ORMDL1: variants seen among roughly 807,000 people sequenced by gnomAD.
ORMDL1 encodes ORMDL sphingolipid biosynthesis regulator 1, also known as ORM1-like protein 1.
Under a neutral mutation model 13.0 loss-of-function variants are expected in ORMDL1, and 10 were observed. The ratio of observed to expected loss-of-function variants is 0.77; its 90% confidence interval spans 0.47 to 1.30. The LOEUF is 1.30. Ranked by LOEUF, ORMDL1 falls within the 50% of genes most tolerant of loss-of-function variation. The pLI, the probability that ORMDL1 is intolerant of heterozygous loss-of-function variation, is 0.00. For missense variants in ORMDL1, 171 were observed against 186.7 expected, an observed-to-expected ratio of 0.92 and a Z score of 0.49; for synonymous variants, 61 against 63.9, an observed-to-expected ratio of 0.95 and a Z score of 0.22.
chr2:189,770,263 A>C (rs1244540786), downstream of ORMDL1: 1 of 152,210 alleles, frequency 6.6e-6, no homozygotes, highest in African/African-American at 2.4e-5. Flanking sequence ...CAGTTGCTTA[A>C]AAATAAACTT....
intron 3 of ORMDL1, among the ~76,000 whole-genome samples, chr2:189,780,693 G>C (rs561057503): frequency 1.3e-5 from 2 of 152,098 alleles, no homozygotes; most frequent in Admixed American, 1.3e-4. Flanking sequence ...AATATATGCC[G>C]GTGAAAGTGA....
chr2:189,765,406 CT>C (rs1048337408), downstream of ORMDL1: 13 of 152,120 alleles, frequency 8.5e-5, no homozygotes, highest in Admixed American at 3.3e-4. Flanking sequence ...GTATGCCAGC[CT>C]GGCAGGCCCA....
the ORMDL1 span, chr2:189,764,307 A>T: frequency 6.6e-6 from 1 of 152,224 alleles, no homozygotes; most frequent in Non-Finnish European, 1.5e-5. Context: ...TTTTTCTTAC[A>T]ATTCCAATTA....
downstream of ORMDL1, among the ~76,000 whole-genome samples, chr2:189,765,975 C>T (rs569599980): frequency 1.9e-4 from 29 of 151,730 alleles, no homozygotes; most frequent in South Asian, 6.2e-4. Flanking sequence ...TACAGGTGCA[C>T]GCCACCACGC....
chr2:189,771,810 G>A lies in ORMDL1; in HGVS notation c.419C>T (p.Pro140Leu). Residue 140 changes from proline to leucine, a missense_variant, in exon 5 of 5, where the codon CCA becomes CTA. Coordinates refer to ENST00000392349, the MANE Select transcript of ORMDL1 (RefSeq NM_016467.5). ...SLLSVLIPKM[P>L]QLHGVRIFGI... ...AAAGATCCGAACACCATGTAGTTGTGGCATTTTGGGAATTAGTACACTCAG... is the reference window on the plus strand; with the variant it reads ...AAAGATCCGAACACCATGTAGTTGTAGCATTTTGGGAATTAGTACACTCAG... 1 of 1,612,150 alleles carries A rather than the reference G, an allele frequency of 6.2e-7. No homozygotes were observed. The highest frequency in any genetic ancestry group is 1.1e-5 in the South Asian group (1 of 90,720).
Position 189,782,525 on chromosome 2 carries a change from A to C in ORMDL1, c.71T>G (p.Leu24Arg). Residue 24 changes from leucine (L) to arginine (R), a missense_variant, in exon 3 of 5, where the codon CTG becomes CGG. Physicochemically the swap from Leu to Arg is moderately radical, Grantham distance 102 (BLOSUM62 -2). Coordinates refer to ENST00000392349, the MANE Select transcript of ORMDL1 (RefSeq NM_016467.5). ...CAAGCCAACTCCCAATGCATATGTC[A>C]GCCACATACCCCGGCTGTTCATGAC... ...TRVMNSRGMW[L>R]TYALGVGLLH... 6.2e-7 allele frequency: 1 copy of C among 1,614,254 alleles called. No individual in the cohort carries two copies. Among genetic ancestry groups the C allele is most frequent in the South Asian group, 1.1e-5 (1 of 91,090 alleles).
intron 3 of ORMDL1, among the ~76,000 whole-genome samples, chr2:189,782,037 G>A (rs553825803): frequency 6.6e-6 from 1 of 151,816 alleles, no homozygotes; most frequent in African/African-American, 2.4e-5. Flanking sequence ...CTGCCTCCCA[G>A]GTTCAAGCGA....
intron 1 of ORMDL1, chr2:189,783,497 A>G (rs1352628231): frequency 6.6e-6 from 1 of 152,196 alleles, no homozygotes; most frequent in African/African-American, 2.4e-5. Context: ...GAGTTAGCAT[A>G]CAGAGAGGAA....
chr2:189,782,298 C>T, intron 3 of ORMDL1, 124 bp downstream of exon 3: 1 of 768,588 alleles, frequency 1.3e-6, no homozygotes, highest in Non-Finnish European at 2.1e-6. Context: ...GAACTCTCTT[C>T]ATCTTGCAAA....
rs199965501 is a variant in ORMDL1 at position 189,782,616 on chromosome 2, T to C, written c.-7-14A>G. The C allele has an allele frequency of 6.2e-6, 10 of 1,609,432 alleles. No homozygotes were observed. Among genetic ancestry groups the C allele is most frequent in the African/African-American group, 1.3e-5 (1 of 74,972 alleles). On this transcript the variant is annotated splice_polypyrimidine_tract_variant and intron_variant, in intron 2 of 4. Transcript: ENST00000392349. ...TTCATGTTTGCTCTGTAGGAAGTAA[T>C]GAAATGAATCAACACTGATACAACT...
intron 4 of ORMDL1, 145 bp downstream of exon 4, chr2:189,775,420 T>G (rs979742393): frequency 3.6e-6 from 3 of 825,204 alleles, no homozygotes; most frequent in Non-Finnish European, 5.4e-6. Context: ...GTTAAAAATT[T>G]TGTCTATATT....
chr2:189,764,471 A>T, the ORMDL1 span: 71 of 152,334 alleles, frequency 4.7e-4, no homozygotes, highest in East Asian at 7.7e-4. Context: ...ACTCTAGGGC[A>T]CATTAGTATG....
chr2:189,769,633 G>A (rs561169741), downstream of ORMDL1, among the ~76,000 whole-genome samples: 14 of 152,116 alleles, frequency 9.2e-5, no homozygotes, highest in South Asian at 2.9e-3. Context: ...CAAAGCTGGA[G>A]GACAATTTGA....
At chr2:189,774,334 G>A (rs2047646709) in intron 4 of ORMDL1, among the ~76,000 whole-genome samples, 1 of 152,030 alleles carries the variant, frequency 6.6e-6, no homozygotes, top group African/African-American at 2.4e-5. Context: ...TTTCTTTGAG[G>A]TTAATATTAT....
downstream of ORMDL1, among the ~76,000 whole-genome samples, chr2:189,766,512 G>A (rs1212363377): frequency 1.3e-5 from 2 of 152,128 alleles, no homozygotes; most frequent in African/African-American, 4.8e-5. Flanking sequence ...CGGATTACCT[G>A]GAGTCAGGAG....
chr2:189,781,235 A>G (rs151338133), intron 3 of ORMDL1, among the ~76,000 whole-genome samples: 280 of 152,236 alleles, frequency 1.8e-3, no homozygotes, highest in African/African-American at 6.3e-3. Context: ...AATAAATATT[A>G]ATTTTTAAAA....
At chr2:189,779,711 AG>A (rs2047780843) in intron 3 of ORMDL1, among the ~76,000 whole-genome samples, 1 of 152,060 alleles carries the variant, frequency 6.6e-6, no homozygotes, top group East Asian at 1.9e-4. Flanking sequence ...GGAATGGAGA[AG>A]GGTAGAGAAG....
At chr2:189,767,348 A>G (rs73979077), downstream of ORMDL1, among the ~76,000 whole-genome samples, 1,634 of 152,324 alleles carry the variant, frequency 0.011, 31 homozygotes, top group African/African-American at 0.037. Flanking sequence ...CTGTATTTTC[A>G]CCGGCAATAA....
chr2:189,779,806 T>C (rs1399363316), intron 3 of ORMDL1, among the ~76,000 whole-genome samples: 1 of 152,182 alleles, frequency 6.6e-6, no homozygotes, highest in Non-Finnish European at 1.5e-5. Context: ...AGTAAAGCAG[T>C]AGAAGACAGT....
Sources: allele counts gnomAD v4.1 joint callset (sites outside exome capture counted in the v4.1 genomes callset), GRCh38; gene constraint gnomAD v4.1.1; transcripts MANE v1.5; gene names NCBI Gene and HGNC (gene_info 2026-07-23, HGNC 2026-07-21).